Variants in GAB3 observed in about 807,000 individuals in gnomAD.
The protein encoded by GAB3 is GRB2 associated binding protein 3, also known as GRB2-associated-binding protein 3.
GAB3 carries 12 observed loss-of-function variants against 40.4 expected under a neutral mutation model. The observed-to-expected ratio is 0.30, with a 90% confidence interval of 0.19 to 0.48. The LOEUF (loss-of-function observed/expected upper bound fraction) is 0.48, where lower values mean the gene tolerates loss of function less well. Ranked by LOEUF, GAB3 falls within the 20% of genes least tolerant of loss-of-function variation. The pLI is 0.99. For missense variants in GAB3, 381 were observed against 461.9 expected (o/e 0.82, Z 1.61); for synonymous variants, 154 against 176.7 (o/e 0.87, Z 1.02).
chrX:154,699,863 G>A (rs2070714885), intron 5 of GAB3, 141 bp downstream of exon 5: 1 of 535,043 alleles, frequency 1.9e-6, no homozygotes, highest in African/African-American at 2.3e-5. Context: ...TAGTTCCCAA[G>A]CAAGTTCAAG....
intron 1 of GAB3, among the ~76,000 whole-genome samples, chrX:154,750,742 G>C (rs902309653): frequency 8.9e-6 from 1 of 112,449 alleles, no homozygotes; most frequent in Non-Finnish European, 1.9e-5. Context: ...CCCGCGGGCA[G>C]GCGCCACCTG....
chrX:154,721,026 T>C (rs1557258617), intron 1 of GAB3, among the ~76,000 whole-genome samples: 1 of 111,305 alleles, frequency 9.0e-6, no homozygotes, highest in East Asian at 2.8e-4. Context: ...CTTCAATGGA[T>C]AGGTTATAAG....
At chrX:154,724,107 GA>G (rs1369537567) in intron 1 of GAB3, among the ~76,000 whole-genome samples, 8 of 111,592 alleles carry the variant, frequency 7.2e-5, no homozygotes, top group Non-Finnish European at 1.9e-5. Flanking sequence ...AGCAGTTTGG[GA>G]GACCGAGACG....
chrX:154,710,323 G>GCGCCCC (rs1557255467), intron 4 of GAB3, among the ~76,000 whole-genome samples: 1 of 111,582 alleles, frequency 9.0e-6, no homozygotes, highest in African/African-American at 3.3e-5. Flanking sequence ...AACCTGACCA[G>GCGCCCC]CTGACTGTAA....
At chrX:154,740,439 G>C (rs1557261080) in intron 1 of GAB3, among the ~76,000 whole-genome samples, 1 of 111,949 alleles carries the variant, frequency 8.9e-6, no homozygotes, top group African/African-American at 3.3e-5. Context: ...AGAAATATAA[G>C]GGTTCTCCGC....
Position 154,712,306 on chromosome X carries a change from C to A in GAB3, c.992G>T (p.Gly331Val). ...CAGAGTGCATTCTGGCTTCTTGCTA[C>A]CACTGTGTGTACTCCACTCCTCTTG... ...RRQEEWSTHS[G>V]SKKPECTLVP... is the part of the protein sequence containing the mutation. Residue 331 changes from glycine to valine, a missense_variant, in exon 4 of 10, where the codon GGT becomes GTT. Gly to Val is a moderately radical substitution (Grantham distance 109, BLOSUM62 -3). Transcript: ENST00000424127. 8.3e-7 allele frequency: 1 copy of A among 1,210,997 alleles called. No homozygotes were observed. Among genetic ancestry groups the A allele is most frequent in the Non-Finnish European group, 1.1e-6 (1 of 894,920 alleles).
At chrX:154,714,704 T>C (rs782559294) in intron 2 of GAB3, among the ~76,000 whole-genome samples, 1 of 112,090 alleles carries the variant, frequency 8.9e-6, no homozygotes, top group African/African-American at 3.2e-5. Context: ...AAACATATTA[T>C]ATATGTATGT....
Position 154,675,794 on chromosome X carries a change from C to T in GAB3, c.*2384G>A, listed in dbSNP as rs1233340177. The T allele has an allele frequency of 8.9e-6, 1 of 111,994 alleles. No homozygotes were observed. The highest frequency in any genetic ancestry group is 3.3e-5 in the African/African-American group (1 of 30,767). The allele number at this position is 111,994 out of a possible 1,213,427, so 9.2% of individuals were successfully genotyped here. A position where few individuals can be genotyped will look rare whatever the true frequency, so the allele number is the denominator to read the frequency against. ...GTTAGAAACATAGCTCTCTCTCACACACACACATCGATCATCTCCACCAAA... is the reference window on the plus strand; with the variant it reads ...GTTAGAAACATAGCTCTCTCTCACATACACACATCGATCATCTCCACCAAA... On this transcript the variant is annotated 3_prime_UTR_variant, in exon 10 of 10. Coordinates refer to ENST00000424127, the MANE Select transcript of GAB3 (RefSeq NM_001081573.3).
chrX:154,697,320 C>T, intron 6 of GAB3, 107 bp from the exon 7 acceptor site: 2 of 503,297 alleles, frequency 4.0e-6, no homozygotes, highest in Non-Finnish European at 6.4e-6. Flanking sequence ...TACTAACAGG[C>T]AGCACTGATG....
At chrX:154,696,879 T>C (rs1557250852) in intron 7 of GAB3, among the ~76,000 whole-genome samples, 1 of 112,557 alleles carries the variant, frequency 8.9e-6, no homozygotes, top group Non-Finnish European at 1.9e-5. Context: ...TGCACAGATG[T>C]GAAGAGTGAA....
intron 2 of GAB3, among the ~76,000 whole-genome samples, chrX:154,713,843 C>T (rs1427999573): frequency 1.3e-5 from 1 of 79,163 alleles, no homozygotes; most frequent in Non-Finnish European, 2.4e-5. Flanking sequence ...TGTATGTATA[C>T]CTATACATGT....
Position 154,678,145 on chromosome X carries a change from C to T in GAB3, c.*33G>A, listed in dbSNP as rs781924983. 9 of 776,143 alleles carry T rather than the reference C, an allele frequency of 1.2e-5. No homozygotes were observed. The Admixed American group carries it at 2.7e-4, about 23-fold the overall frequency. The allele number at this position is 776,143 out of a possible 1,213,427, so 64.0% of individuals were successfully genotyped here. Reference sequence around the variant, plus strand: ...AAAACTCAAACTGAGCCCCAAGCTTCCCTGTTTCACACATGGCACAAGCCC... The same window carrying T: ...AAAACTCAAACTGAGCCCCAAGCTTTCCTGTTTCACACATGGCACAAGCCC... On this transcript the variant is annotated 3_prime_UTR_variant, in exon 10 of 10. Coordinates refer to ENST00000424127, the MANE Select transcript of GAB3 (RefSeq NM_001081573.3).
intron 4 of GAB3, among the ~76,000 whole-genome samples, chrX:154,701,317 C>T (rs1311075272): frequency 1.8e-5 from 2 of 112,536 alleles, no homozygotes; most frequent in East Asian, 5.5e-4. Flanking sequence ...AAGCCCTTAA[C>T]TCCCTTTCCA....
chrX:154,733,559 A>G (rs1557260178), intron 1 of GAB3, among the ~76,000 whole-genome samples: 1 of 112,294 alleles, frequency 8.9e-6, no homozygotes, highest in Non-Finnish European at 1.9e-5. Flanking sequence ...GAATAAATAA[A>G]TGAGCAAAGA....
intron 2 of GAB3, among the ~76,000 whole-genome samples, chrX:154,714,591 G>A (rs1557257238): frequency 2.7e-5 from 3 of 112,024 alleles, no homozygotes; most frequent in African/African-American, 9.7e-5. Context: ...GAATGGAAAG[G>A]GTCATAGGTG....
At position 154,717,629 on chromosome X, in the gene GAB3, C is replaced by T. The variant is rs141182960; in HGVS notation, c.73-1300G>A. Among the ~76,000 whole-genome samples the T allele has an allele frequency of 4.8e-4, 53 of 111,516 alleles. No homozygotes were observed. The East Asian group carries it at 0.014, about 29-fold the overall frequency. On this transcript the variant is annotated intron_variant, in intron 1 of 9. Coordinates refer to ENST00000424127, the MANE Select transcript of GAB3 (RefSeq NM_001081573.3). ...GAGAACAACTGAGAATGACCTAGGGCTCCTTGGCTTCCCACTCACCATTGA... is the reference window on the plus strand; with the variant it reads ...GAGAACAACTGAGAATGACCTAGGGTTCCTTGGCTTCCCACTCACCATTGA...
chrX:154,728,602 G>A (rs782046718), intron 1 of GAB3, among the ~76,000 whole-genome samples: 2 of 112,383 alleles, frequency 1.8e-5, no homozygotes, highest in Admixed American at 9.4e-5. Context: ...TTGATGAGAC[G>A]TTGGAGATGG....
At chrX:154,738,614 C>T (rs951955658) in intron 1 of GAB3, among the ~76,000 whole-genome samples, 8 of 111,825 alleles carry the variant, frequency 7.2e-5, no homozygotes, top group South Asian at 7.6e-4. Context: ...CCCTTCTCCT[C>T]GTCCCTACTC....
At chrX:154,721,384 G>T (rs192048163) in intron 1 of GAB3, among the ~76,000 whole-genome samples, 10 of 112,620 alleles carry the variant, frequency 8.9e-5, no homozygotes, top group Admixed American at 4.7e-4. Flanking sequence ...ATCTGGTGAG[G>T]ATCTGCTTGC....
Sources: allele counts gnomAD v4.1 joint callset (sites outside exome capture counted in the v4.1 genomes callset), GRCh38; gene constraint gnomAD v4.1.1; transcripts MANE v1.5; gene names NCBI Gene and HGNC (gene_info 2026-07-23, HGNC 2026-07-21).